POR: variants seen among roughly 807,000 people sequenced by gnomAD.
POR encodes the protein cytochrome p450 oxidoreductase, also known as NADPH--cytochrome P450 reductase.
In POR, 56 loss-of-function variants were observed where a neutral mutation model predicts 84.0. The observed-to-expected ratio is 0.67, with a 90% CI of 0.54 to 0.83. The LOEUF is 0.83. Ranked by LOEUF, POR falls within the 40% of genes least tolerant of loss-of-function variation. The pLI, the probability that POR is intolerant of heterozygous loss-of-function variation, is 0.00. For missense variants in POR, 938 were observed against 944.3 expected, an observed-to-expected ratio of 0.99 and a Z score of 0.09; for synonymous variants, 414 against 400.5, an observed-to-expected ratio of 1.03 and a Z score of -0.40.
intron 3 of POR, 45 bp downstream of exon 3, chr7:75,972,506 C>A (rs1191069535): frequency 6.6e-6 from 10 of 1,521,586 alleles, no homozygotes; most frequent in Admixed American, 1.9e-5. Context: ...AGCCTCGGCC[C>A]CGATGGGCAT....
At chr7:75,969,934 A>G (rs971355701) in intron 2 of POR, among the ~76,000 whole-genome samples, 4 of 152,348 alleles carry the variant, frequency 2.6e-5, no homozygotes, top group African/African-American at 9.6e-5. Context: ...TGTGTGTGCC[A>G]CAGCGAAGAC....
At chr7:75,967,782 C>T (rs367806412) in intron 2 of POR, 17 of 306,032 alleles carry the variant, frequency 5.6e-5, no homozygotes, top group Non-Finnish European at 9.4e-5. Flanking sequence ...GGTGTGTGCC[C>T]GGTGCAGGGA....
In POR at chr7:75,937,308, C is replaced by A. The variant is rs1246227731; in HGVS notation, c.-4-16681C>A. Among the ~76,000 whole-genome samples the A allele has an allele frequency of 3.4e-3, 458 of 134,170 alleles. 1 individual carries two copies. Among genetic ancestry groups the A allele is most frequent in the South Asian group, 0.014 (57 of 4,038 alleles). 88.0% of individuals were successfully genotyped at this position (134,170 alleles called of 152,430 possible). A position where few individuals can be genotyped will look rare whatever the true frequency, so the allele number is the denominator to read the frequency against. ...CATCTCTACAAAAAAAAAAAAAAAA[C>A]AAAAAAACCAAAAATTAGCCAGGCA... is the stretch of plus-strand genomic sequence containing the variant. On this transcript the variant is annotated intron_variant, in intron 1 of 15. Transcript: ENST00000461988.
intron 2 of POR, among the ~76,000 whole-genome samples, chr7:75,971,748 C>T (rs1334120681): frequency 2.6e-5 from 4 of 151,570 alleles, no homozygotes; most frequent in Admixed American, 6.6e-5. Flanking sequence ...GAGGGCAGAG[C>T]GGGGGTCAGC....
rs200236895 is a variant in POR at position 75,953,966 on chromosome 7, C to A, written c.-4-23C>A. ...GCACCCTGCTACCCTCTGCTGACAT[C>A]TGCTGTTTCTGTCTCCTAACAGTTT... is the stretch of plus-strand genomic sequence containing the variant. On this transcript the variant is annotated intron_variant, in intron 1 of 15. Coordinates refer to ENST00000461988, the MANE Select transcript of POR (RefSeq NM_000941.3). 39 of 1,541,358 alleles carry A rather than the reference C, an allele frequency of 2.5e-5. No individual in the cohort carries two copies. The East Asian group carries it at 9.3e-4, about 37-fold the overall frequency.
intron 1 of POR, among the ~76,000 whole-genome samples, chr7:75,935,134 G>A (rs1807602860): frequency 1.3e-5 from 2 of 152,324 alleles, no homozygotes; most frequent in South Asian, 4.1e-4. Flanking sequence ...CACCAGGACA[G>A]AGCTGCCCAG....
At chr7:75,927,278 G>T (rs991193673) in intron 1 of POR, among the ~76,000 whole-genome samples, 39 of 152,146 alleles carry the variant, frequency 2.6e-4, no homozygotes, top group Admixed American at 1.1e-3. Flanking sequence ...GATTGAGGTG[G>T]GCTAATGGCT....
intron 2 of POR, among the ~76,000 whole-genome samples, chr7:75,954,522 T>C (rs1438381980): frequency 3.3e-5 from 5 of 151,982 alleles, no homozygotes; most frequent in African/African-American, 1.2e-4. Flanking sequence ...GGAACCCTTT[T>C]TTCCATTTAT....
intron 5 of POR, 36 bp downstream of exon 5, chr7:75,980,524 G>C: frequency 1.2e-6 from 2 of 1,612,604 alleles, no homozygotes; most frequent in South Asian, 2.2e-5. Flanking sequence ...GCTCCCGGTG[G>C]CCTGCGGTGC....
rs148084703 is a variant in POR at position 75,942,342 on chromosome 7, T to G, written c.-4-11647T>G. ...TCAGTGCTCATCTGTAATGAGATTG[T>G]ATAGGTGACATCTTTGAAAATATCT... On this transcript the variant is annotated intron_variant, in intron 1 of 15. Coordinates refer to ENST00000461988, the MANE Select transcript of POR (RefSeq NM_000941.3). 1.3e-3 allele frequency among the ~76,000 whole-genome samples: 191 copies of G among 152,352 alleles called. 3 individuals are homozygous for G. Among genetic ancestry groups the G allele is most frequent in the African/African-American group, 4.5e-3 (187 of 41,578 alleles).
chr7:75,919,382 C>CGTGTGTGTGTGTGTGTGT (rs56136603), intron 1 of POR, among the ~76,000 whole-genome samples: 29 of 146,528 alleles, frequency 2.0e-4, no homozygotes, highest in African/African-American at 5.3e-4. Flanking sequence ...TCTGTGCGTG[C>CGTGTGTGTGTGTGTGTGT]GTGTGTGTGT....
chr7:75,923,356 C>A, intron 1 of POR: 1 of 817,952 alleles, frequency 1.2e-6, no homozygotes, highest in Admixed American at 1.7e-5. Context: ...TGTCATGCTA[C>A]CAAAAATAGT....
chr7:75,981,722 T>G (rs953448614), intron 7 of POR, 116 bp downstream of exon 7: 2 of 862,906 alleles, frequency 2.3e-6, no homozygotes, highest in Admixed American at 2.5e-5. Flanking sequence ...CACTCCGTCA[T>G]AGGGTCGAGG....
intron 1 of POR, among the ~76,000 whole-genome samples, chr7:75,934,099 T>C (rs1160709693): frequency 6.6e-6 from 1 of 150,660 alleles, no homozygotes; most frequent in African/African-American, 2.4e-5. Context: ...AAAATATGTT[T>C]TTTTCCTGGT....
intron 10 of POR, 53 bp from the exon 11 acceptor site, chr7:75,984,724 C>T: frequency 1.3e-6 from 2 of 1,536,022 alleles, no homozygotes; most frequent in Non-Finnish European, 1.8e-6. Context: ...CGCAGCCACC[C>T]ATCCCCAGGA....
chr7:75,946,171 G>T (rs1276711327), intron 1 of POR, among the ~76,000 whole-genome samples: 1 of 152,064 alleles, frequency 6.6e-6, no homozygotes, highest in Admixed American at 6.6e-5. Flanking sequence ...TTCTCTGTAT[G>T]TTGTATTTTA....
intron 1 of POR, among the ~76,000 whole-genome samples, chr7:75,916,584 G>T (rs755637231): frequency 1.3e-5 from 2 of 152,062 alleles, no homozygotes. Flanking sequence ...GGAAACTTTC[G>T]CTGAGCAGAT....
chr7:75,930,100 T>TA (rs1199225232), intron 1 of POR, among the ~76,000 whole-genome samples: 1 of 152,220 alleles, frequency 6.6e-6, no homozygotes, highest in African/African-American at 2.4e-5. Context: ...AATATTTCTC[T>TA]AAACAGGTTT....
intron 2 of POR, among the ~76,000 whole-genome samples, chr7:75,959,454 C>T (rs1787836946): frequency 6.6e-6 from 1 of 152,072 alleles, no homozygotes; most frequent in Admixed American, 6.6e-5. Context: ...CTAGAATTGG[C>T]ATTTATTTAT....
Sources: allele counts gnomAD v4.1 joint callset (sites outside exome capture counted in the v4.1 genomes callset), GRCh38; gene constraint gnomAD v4.1.1; transcripts MANE v1.5; gene names NCBI Gene and HGNC (gene_info 2026-07-23, HGNC 2026-07-21).